The following NISCH variants were observed in gnomAD, a reference collection of about 807,000 sequenced individuals.
NISCH encodes I-1 receptor candidate protein.
In NISCH, 55 loss-of-function variants were observed where a neutral mutation model predicts 138.4. That is an observed-to-expected ratio of 0.40 (90% CI 0.32 to 0.50). The LOEUF (loss-of-function observed/expected upper bound fraction) is 0.50, where lower values mean the gene tolerates loss of function less well. Among genes scored for constraint, NISCH ranks in the 20% least tolerant of loss-of-function variants. The probability of loss-of-function intolerance (pLI) is 0.71; values close to 1 mark genes in which losing one functional copy is unlikely to be tolerated. For missense variants in NISCH, 1,643 were observed against 2,005.5 expected, an observed-to-expected ratio of 0.82 and a Z score of 3.45; for synonymous variants, 860 against 861.5, an observed-to-expected ratio of 1.00 and a Z score of 0.03.
At chr3:52,477,447 T>C in intron 8 of NISCH, 127 bp from the exon 9 acceptor site, 1 of 734,372 alleles carries the variant, frequency 1.4e-6, no homozygotes. Flanking sequence ...CCAGTGGTCC[T>C]GCAGGGACGG....
chr3:52,488,674 G>T lies in NISCH; in HGVS notation c.3113+69G>T. On this transcript the variant is annotated intron_variant, in intron 16 of 20. Coordinates refer to ENST00000345716, the MANE Select transcript of NISCH (RefSeq NM_007184.4). ...TGGCATGTGTGTGATCTCAGCATCT[G>T]CGGCTAGTGTGGGCTGGGAGTTGCT... 3.0e-6 allele frequency: 4 copies of T among 1,330,484 alleles called. No individual in the cohort carries two copies. In the South Asian group the frequency reaches 5.7e-5, roughly 19 times the overall value. 82.4% of individuals were successfully genotyped at this position (1,330,484 alleles called of 1,614,324 possible).
At chr3:52,480,859 G>C (rs758771343) in intron 13 of NISCH, 1 of 1,534,746 alleles carries the variant, frequency 6.5e-7, no homozygotes, top group South Asian at 1.2e-5. Context: ...TTTTCAAAGG[G>C]CTTTCACCTC....
In NISCH at chr3:52,460,490, C is replaced by T. The variant is rs1046173747; in HGVS notation, c.360+1646C>T. Among the ~76,000 whole-genome samples, 37 of 150,602 alleles carry T rather than the reference C, an allele frequency of 2.5e-4. 1 individual carries two copies. Among genetic ancestry groups the T allele is most frequent in the South Asian group, 1.0e-3 (5 of 4,778 alleles). ...GATCATGGGTCACTGCAACCTCAAA[C>T]TCCTGGGCTCAAGGGATCTTCCTGC... On this transcript the variant is annotated intron_variant, in intron 3 of 20. Coordinates refer to ENST00000345716, the MANE Select transcript of NISCH (RefSeq NM_007184.4).
chr3:52,482,665 TCAGC>T lies in NISCH; in HGVS notation c.1529-1843_1529-1840del, dbSNP rs1466927264. On this transcript the variant is annotated intron_variant, in intron 13 of 20. Coordinates refer to ENST00000345716, the MANE Select transcript of NISCH (RefSeq NM_007184.4). ...AGTCAGTGGCGTCTCATAGTCGCTG[TCAGC>T]CAGCTGGTATTCGAGATGGAGTCGT... is the stretch of plus-strand genomic sequence containing the variant. Among the ~76,000 whole-genome samples the T allele has an allele frequency of 1.2e-4, 18 of 152,348 alleles. No homozygotes were observed. The South Asian group carries it at 2.1e-3, about 18-fold the overall frequency.
Position 52,487,098 on chromosome 3 carries a change from C to G in NISCH, c.1704-98C>G. On this transcript the variant is annotated intron_variant, in intron 15 of 20. Transcript: ENST00000345716. This position sits in a 1 kb window ranked among gnomAD's most constrained non-coding sequence, Gnocchi z 9.1. ...GCTTGGGAGACCCATGGGTTGGTTT[C>G]TCAGGGTCAGGGTGTAGCAGTGGGC... 7.0e-7 allele frequency: 1 copy of G among 1,423,686 alleles called. No individual in the cohort carries two copies. Among genetic ancestry groups the G allele is most frequent in the Non-Finnish European group, 9.5e-7 (1 of 1,056,726 alleles). The allele number at this position is 1,423,686 out of a possible 1,614,324, so 88.2% of individuals were successfully genotyped here. A position where few individuals can be genotyped will look rare whatever the true frequency, so the allele number is the denominator to read the frequency against.
chr3:52,465,226 C>CA (rs1016141637), intron 3 of NISCH, among the ~76,000 whole-genome samples: 2 of 151,988 alleles, frequency 1.3e-5, no homozygotes, highest in Non-Finnish European at 2.9e-5. Flanking sequence ...ACCTCCCAGG[C>CA]TCAAGCACTC....
intron 7 of NISCH, among the ~76,000 whole-genome samples, chr3:52,474,449 A>T (rs1298215469): frequency 6.6e-6 from 1 of 152,048 alleles, no homozygotes; most frequent in Non-Finnish European, 1.5e-5. Flanking sequence ...GGTGCCCGCC[A>T]CCACACCCAG....
At chr3:52,482,750 T>TA (rs1014468626) in intron 13 of NISCH, among the ~76,000 whole-genome samples, 3 of 152,112 alleles carry the variant, frequency 2.0e-5, no homozygotes, top group Admixed American at 6.5e-5. Flanking sequence ...TGCCGCATCT[T>TA]AGATTTGATG....
intron 10 of NISCH, 72 bp from the exon 11 acceptor site, chr3:52,478,377 C>T: frequency 6.2e-7 from 1 of 1,608,218 alleles, no homozygotes; most frequent in Non-Finnish European, 8.5e-7. Flanking sequence ...TAAAAGAGAC[C>T]ATGAAACGTG....
At chr3:52,491,291 G>T (rs1707554859) in intron 19 of NISCH, 61 bp from the exon 20 acceptor site, 2 of 1,551,876 alleles carry the variant, frequency 1.3e-6, no homozygotes, top group Admixed American at 1.8e-5. Context: ...GTGGCTCTAA[G>T]GGGCAGGGAT....
intron 3 of NISCH, chr3:52,470,473 A>T: frequency 1.0e-5 from 2 of 199,272 alleles, no homozygotes; most frequent in East Asian, 1.2e-4. Context: ...TTCCAGAAAA[A>T]ACAGGACTTT....
At chr3:52,458,629 G>A in intron 2 of NISCH, 33 bp from the exon 3 acceptor site, 1 of 1,590,564 alleles carries the variant, frequency 6.3e-7, no homozygotes, top group South Asian at 1.1e-5. Context: ...GAGCCTCTTA[G>A]TCTGTGGTTG....
At chr3:52,474,478 A>T (rs1707044097) in intron 7 of NISCH, among the ~76,000 whole-genome samples, 2 of 152,002 alleles carry the variant, frequency 1.3e-5, no homozygotes, top group African/African-American at 4.8e-5. Flanking sequence ...TTGTATTTTT[A>T]GTAGAGACGG....
intron 6 of NISCH, 79 bp from the exon 7 acceptor site, chr3:52,473,655 G>A (rs1578291327): frequency 2.1e-6 from 2 of 975,588 alleles, no homozygotes; most frequent in Non-Finnish European, 3.1e-6. Context: ...TTTTGTATGG[G>A]GGTAGGAAAC....
At chr3:52,457,792 T>TC in intron 1 of NISCH, 51 bp from the exon 2 acceptor site, 1 of 1,251,372 alleles carries the variant, frequency 8.0e-7, no homozygotes, top group East Asian at 2.4e-5. Context: ...GGGAGGAGAC[T>TC]CCTTGTTGCT....
chr3:52,491,626 C>G, intron 20 of NISCH, 113 bp downstream of exon 20: 1 of 1,283,224 alleles, frequency 7.8e-7, no homozygotes, highest in East Asian at 2.5e-5. Context: ...TCTTTTCTCA[C>G]TTAGCTGGCC....
At chr3:52,479,926 G>C in intron 12 of NISCH, 64 bp downstream of exon 12, 1 of 1,296,278 alleles carries the variant, frequency 7.7e-7, no homozygotes, top group Non-Finnish European at 1.1e-6. Flanking sequence ...AGCCAGTTTG[G>C]GGGGCTTGGG....
Position 52,479,837 on chromosome 3 carries a change from C to T in NISCH, c.1391C>T (p.Ser464Phe), listed in dbSNP as rs959506673. ...ATTCAGAAAGCCAAGGAGGTCAAGT[C>T]CAAACTGAGCAACCCAGAGAAGAAG... ...KAIQKAKEVK[S>F]KLSNPEKKGG... The change falls in exon 12 of 21, where the codon TCC (serine) becomes TTC (phenylalanine). Residue 464 changes from serine (S) to phenylalanine (F), a missense_variant. Transcript: ENST00000345716. 2.5e-6 allele frequency: 4 copies of T among 1,613,348 alleles called. No homozygotes were observed. Among genetic ancestry groups the T allele is most frequent in the Admixed American group, 3.3e-5 (2 of 59,902 alleles).
In NISCH at chr3:52,478,465, G is replaced by C. The variant is rs1437444772; in HGVS notation, c.1190G>C (p.Ser397Thr). 1.2e-6 allele frequency: 2 copies of C among 1,614,232 alleles called. No homozygotes were observed. Among genetic ancestry groups the C allele is most frequent in the Admixed American group, 3.3e-5 (2 of 60,030 alleles). The change falls in exon 11 of 21, where the codon AGC becomes ACC. Residue 397 changes from serine (S) to threonine (T), a missense_variant. Transcript: ENST00000345716. ...NRIEQMEEVR[S>T]IGSLPCLEHV... ...ACCTTGCAGATGGAGGAGGTCCGGAGCATAGGCAGCCTCCCGTGTCTGGAG... is the reference window on the plus strand; with the variant it reads ...ACCTTGCAGATGGAGGAGGTCCGGACCATAGGCAGCCTCCCGTGTCTGGAG...
Sources: gnomAD v4.1 joint callset for allele counts (sites outside exome capture counted in the v4.1 genomes callset) on GRCh38, gnomAD v4.1.1 for gene constraint, Gnocchi (gnomAD v3.1) non-coding constraint, MANE v1.5 for transcripts, NCBI Gene and HGNC (gene_info 2026-07-23, HGNC 2026-07-21) for gene names.